PTPRM: variants seen among roughly 807,000 people sequenced by gnomAD.
The protein encoded by PTPRM is protein tyrosine phosphatase receptor type M.
In PTPRM, 47 loss-of-function variants were observed where a neutral mutation model predicts 186.7. That is an observed-to-expected ratio of 0.25 (90% CI 0.20 to 0.32). The LOEUF is 0.32. PTPRM is among the 10% of genes least tolerant of loss of function. PTPRM has a pLI of 1.00. For missense variants in PTPRM, 1,494 were observed against 1,865.0 expected (o/e 0.80, Z 3.66); for synonymous variants, 668 against 674.9 (o/e 0.99, Z 0.16).
chr18:8,091,483 G>A (rs1394670860), intron 11 of PTPRM, among the ~76,000 whole-genome samples: 1 of 152,076 alleles, frequency 6.6e-6, no homozygotes, highest in Admixed American at 6.6e-5. Context: ...GGGGAAACCT[G>A]CTATAGACAT....
At chr18:7,652,849 C>T (rs2038749865) in intron 1 of PTPRM, among the ~76,000 whole-genome samples, 1 of 151,672 alleles carries the variant, frequency 6.6e-6, no homozygotes, top group Non-Finnish European at 1.5e-5. Context: ...CACATGTATA[C>T]ATATGTAACT....
chr18:7,740,876 TATTAG>T (rs1413678768), intron 1 of PTPRM, among the ~76,000 whole-genome samples: 2 of 152,224 alleles, frequency 1.3e-5, no homozygotes, highest in African/African-American at 2.4e-5. Context: ...AGTGTGGCAT[TATTAG>T]ATTAATTTAT....
intron 2 of PTPRM, among the ~76,000 whole-genome samples, chr18:7,834,992 CTTT>C (rs57839485): frequency 0.46 from 38,896 of 84,244 alleles, 6,228 homozygotes; most frequent in East Asian, 0.66. Context: ...TTATTTGGAT[CTTT>C]TTTTTTTTTT....
intron 1 of PTPRM, among the ~76,000 whole-genome samples, chr18:7,596,193 G>A (rs2037254829): frequency 6.6e-6 from 1 of 152,030 alleles, no homozygotes; most frequent in Non-Finnish European, 1.5e-5. Context: ...CTGTCATACG[G>A]TGACAGTTGA....
Position 8,376,156 on chromosome 18 carries a change from G to C in PTPRM, c.3282G>C (p.Lys1094Asn), listed in dbSNP as rs761183746. 6.2e-7 allele frequency: 1 copy of C among 1,613,798 alleles called. No individual in the cohort carries two copies. Among genetic ancestry groups the C allele is most frequent in the Admixed American group, 1.7e-5 (1 of 60,018 alleles). ...TGLLGFVRQV[K>N]SKSPPSAGPL... ...TGCTGGGATTCGTGCGGCAAGTCAA[G>C]TCCAAGAGCCCGCCCAGTGCAGGCC... is the stretch of plus-strand genomic sequence containing the variant. The change falls in exon 25 of 33, where the codon AAG (lysine) becomes AAC (asparagine). Residue 1094 changes from lysine to asparagine, a missense_variant. Lys to Asn is a moderately conservative substitution (Grantham distance 94, BLOSUM62 0). Around this residue, in one of 3 missense-constraint regions of PTPRM, gnomAD observed 1,107 missense variants for 1,350.2 expected, o/e 0.82. Transcript: ENST00000580170.
chr18:7,743,546 G>A (rs924955563), intron 1 of PTPRM, among the ~76,000 whole-genome samples: 1 of 152,136 alleles, frequency 6.6e-6, no homozygotes, highest in African/African-American at 2.4e-5. Context: ...AAAATAAAAA[G>A]AGAAAGAGCT....
chr18:8,315,410 T>C (rs559682795), intron 21 of PTPRM, among the ~76,000 whole-genome samples: 11 of 152,352 alleles, frequency 7.2e-5, no homozygotes, highest in African/African-American at 2.6e-4. Context: ...ATATGTAGGC[T>C]GTTTAATTAT....
intron 1 of PTPRM, among the ~76,000 whole-genome samples, chr18:7,684,082 C>T (rs1311983707): frequency 1.3e-5 from 2 of 152,122 alleles, no homozygotes; most frequent in Non-Finnish European, 2.9e-5. Flanking sequence ...AAGCGCTCCA[C>T]TGAGAACAGC....
At chr18:7,717,705 G>A (rs1219873644) in intron 1 of PTPRM, among the ~76,000 whole-genome samples, 3 of 152,204 alleles carry the variant, frequency 2.0e-5, no homozygotes, top group Non-Finnish European at 4.4e-5. Context: ...GGGGCTTCAG[G>A]AGTGGCAGGC....
At chr18:8,379,056 G>A in intron 27 of PTPRM, 111 bp from the exon 28 acceptor site, 1 of 829,326 alleles carries the variant, frequency 1.2e-6, no homozygotes, top group South Asian at 2.2e-5. Flanking sequence ...GGAGGGGGAA[G>A]GGACCGTCTT....
chr18:7,845,921 A>G (rs2046571264), intron 2 of PTPRM, among the ~76,000 whole-genome samples: 1 of 152,080 alleles, frequency 6.6e-6, no homozygotes, highest in African/African-American at 2.4e-5. Context: ...CCCTCTGCCC[A>G]ATCCTGTAAT....
At chr18:8,189,420 C>G (rs1225260673) in intron 14 of PTPRM, among the ~76,000 whole-genome samples, 1 of 152,140 alleles carries the variant, frequency 6.6e-6, no homozygotes, top group Non-Finnish European at 1.5e-5. Context: ...ATGTCCTTCT[C>G]TGTCCACTCT....
chr18:7,636,958 A>G (rs1567997327), intron 1 of PTPRM, among the ~76,000 whole-genome samples: 1 of 152,122 alleles, frequency 6.6e-6, no homozygotes, highest in Admixed American at 6.5e-5. Context: ...ACATGAGGCC[A>G]GGAGTTTGAG....
At chr18:7,643,530 C>T (rs780182541) in intron 1 of PTPRM, among the ~76,000 whole-genome samples, 5 of 151,872 alleles carry the variant, frequency 3.3e-5, no homozygotes, top group African/African-American at 9.7e-5. Context: ...TTATTAGAGA[C>T]GGGATTTCAC....
chr18:7,782,281 A>T (rs989655263), intron 2 of PTPRM, among the ~76,000 whole-genome samples: 2 of 151,970 alleles, frequency 1.3e-5, no homozygotes, highest in African/African-American at 4.8e-5. Context: ...GGTTCTTCCC[A>T]TGAGGGAGAT....
intron 20 of PTPRM, among the ~76,000 whole-genome samples, chr18:8,301,654 A>G (rs1390882357): frequency 2.0e-5 from 3 of 152,324 alleles, no homozygotes; most frequent in African/African-American, 7.2e-5. Flanking sequence ...CCTGTTATAC[A>G]CCAGGCACTA....
chr18:7,820,016 C>A (rs959998609), intron 2 of PTPRM, among the ~76,000 whole-genome samples: 3 of 152,210 alleles, frequency 2.0e-5, no homozygotes, highest in Admixed American at 2.0e-4. Context: ...AAGTCACCAA[C>A]CCCTGTTTGT....
At chr18:7,837,529 A>G (rs1259104537) in intron 2 of PTPRM, among the ~76,000 whole-genome samples, 2 of 152,078 alleles carry the variant, frequency 1.3e-5, no homozygotes, top group South Asian at 2.1e-4. Flanking sequence ...ATCTCAGCTC[A>G]CTGCAGCCTC....
rs527959746 is a variant in PTPRM, at chr18:8,085,884, T to A, written c.1753+12T>A. 4 of 1,607,970 alleles carry A rather than the reference T, an allele frequency of 2.5e-6. No homozygotes were observed. In the African/African-American group the frequency reaches 4.0e-5, roughly 16 times the overall value. ...CACCAAAATATCAGGTACTCTACAT[T>A]CGTGAGTTGTGTCTTTTATCAGAAG... On this transcript the variant is annotated intron_variant, in intron 10 of 32. Transcript: ENST00000580170.
Sources: allele counts gnomAD v4.1 joint callset (sites outside exome capture counted in the v4.1 genomes callset), GRCh38; gene constraint gnomAD v4.1.1; regional missense constraint gnomAD v4.1.1; transcripts MANE v1.5; gene names NCBI Gene and HGNC (gene_info 2026-07-23, HGNC 2026-07-21).